LCORL: variants seen among roughly 807,000 people sequenced by gnomAD.
LCORL encodes ligand-dependent nuclear receptor corepressor-like protein.
LCORL carries 41 observed loss-of-function variants against 141.8 expected under a neutral mutation model. The ratio of observed to expected loss-of-function variants is 0.29; its 90% CI spans 0.23 to 0.38. The LOEUF (loss-of-function observed/expected upper bound fraction) is 0.38. Among genes scored for constraint, LCORL ranks in the 10% least tolerant of loss-of-function variants. The probability of loss-of-function intolerance (pLI) is 1.00; values close to 1 mark genes in which losing one functional copy is unlikely to be tolerated. For missense variants in LCORL, 1,759 were observed against 2,035.0 expected (o/e 0.86, Z 2.61); for synonymous variants, 618 against 694.1 (o/e 0.89, Z 1.72).
At chr4:17,849,745 A>C (rs1723399083) in intron 7 of LCORL, among the ~76,000 whole-genome samples, 1 of 152,140 alleles carries the variant, frequency 6.6e-6, no homozygotes, top group Admixed American at 6.5e-5. Context: ...CCATCAAGCT[A>C]CCAATGACTT....
At chr4:17,896,430 T>C (rs1422759230) in intron 5 of LCORL, among the ~76,000 whole-genome samples, 4 of 152,124 alleles carry the variant, frequency 2.6e-5, no homozygotes, top group African/African-American at 9.7e-5. Context: ...ATTACAGGCA[T>C]GTACCACCAC....
At chr4:17,894,317 T>C (rs1445421464) in intron 5 of LCORL, among the ~76,000 whole-genome samples, 2 of 152,232 alleles carry the variant, frequency 1.3e-5, no homozygotes, top group African/African-American at 4.8e-5. Flanking sequence ...AAATTTCTTG[T>C]ATAATAATTC....
intron 2 of LCORL, among the ~76,000 whole-genome samples, chr4:17,963,426 C>T (rs1191438605): frequency 6.6e-6 from 1 of 151,840 alleles, no homozygotes; most frequent in African/African-American, 2.4e-5. Context: ...AAACTTTGCA[C>T]ACCATGAAAG....
chr4:18,018,872 A>C (rs1157821139), intron 1 of LCORL, among the ~76,000 whole-genome samples: 1 of 152,244 alleles, frequency 6.6e-6, no homozygotes, highest in African/African-American at 2.4e-5. Flanking sequence ...ATATATACTG[A>C]ATATACACAT....
intron 1 of LCORL, among the ~76,000 whole-genome samples, chr4:17,998,985 A>AAAAAAAAAAAATATATAT (rs1374815646): frequency 1.7e-5 from 1 of 57,892 alleles, no homozygotes; most frequent in Non-Finnish European, 3.3e-5. Context: ...AAAAAAAAAA[A>AAAAAAAAAAAATATATAT]ATATATATAT....
chr4:18,016,746 A>G lies in LCORL; in HGVS notation c.154+4852T>C, dbSNP rs1451438691. Among the ~76,000 whole-genome samples the G allele has an allele frequency of 3.3e-5, 5 of 152,266 alleles. No individual in the cohort carries two copies. In the East Asian group the frequency reaches 9.6e-4, roughly 29 times the overall value. Reference sequence around the variant, plus strand: ...GCTTTTTAAATGTGGTTATTAGAAGACTTAAATTTACATGTTTTACTTCCA... The same window carrying G: ...GCTTTTTAAATGTGGTTATTAGAAGGCTTAAATTTACATGTTTTACTTCCA... On this transcript the variant is annotated intron_variant, in intron 1 of 7. Transcript: ENST00000635767.
At chr4:17,941,459 A>C (rs75512479) in intron 4 of LCORL, among the ~76,000 whole-genome samples, 1 of 135,290 alleles carries the variant, frequency 7.4e-6, no homozygotes, top group African/African-American at 2.7e-5. Context: ...ACTCTGTCTC[A>C]AAAAAAAAAA....
At position 18,021,558 on chromosome 4, in the gene LCORL, G is replaced by A. The variant is rs1407803869; in HGVS notation, c.154+40C>T. On this transcript the variant is annotated intron_variant, in intron 1 of 7. Transcript: ENST00000635767. This position sits in a 1 kb window ranked among gnomAD's most constrained non-coding sequence, Gnocchi z 5.5. ...AACTCCTCGGGCTGCGACAGCGGTCGCCGCGCGGAGCCCGGGGCCCCGGCC... is the reference window on the plus strand; with the variant it reads ...AACTCCTCGGGCTGCGACAGCGGTCACCGCGCGGAGCCCGGGGCCCCGGCC... 1.3e-6 allele frequency: 2 copies of A among 1,491,452 alleles called. No homozygotes were observed. The highest frequency in any genetic ancestry group is 1.3e-5 in the South Asian group (1 of 79,430). 92.4% of individuals were successfully genotyped at this position (1,491,452 alleles called of 1,614,324 possible). A position where few individuals can be genotyped will look rare whatever the true frequency, so the allele number is the denominator to read the frequency against.
intron 4 of LCORL, among the ~76,000 whole-genome samples, chr4:17,950,426 A>C (rs1415300072): frequency 6.6e-6 from 1 of 152,198 alleles, no homozygotes; most frequent in African/African-American, 2.4e-5. Context: ...GACAAAGGAC[A>C]TATCACGCTT....
intron 2 of LCORL, among the ~76,000 whole-genome samples, chr4:17,967,431 A>T (rs1715121565): frequency 6.6e-6 from 1 of 152,158 alleles, no homozygotes; most frequent in African/African-American, 2.4e-5. Flanking sequence ...ATAATTTATC[A>T]ATTGGGTTCA....
rs911518427 is a variant in LCORL at position 18,021,399 on chromosome 4, G to C, written c.154+199C>G. Among the ~76,000 whole-genome samples the C allele has an allele frequency of 6.6e-6, 1 of 152,124 alleles. No homozygotes were observed. ...GAGCCCAAGAGCTGGGAAGGCGAAG[G>C]AGCGCGGACCGCGCCGGGCCAGCAG... is the stretch of plus-strand genomic sequence containing the variant. On this transcript the variant is annotated intron_variant, in intron 1 of 7. Coordinates refer to ENST00000635767, the Ensembl canonical transcript of LCORL. The surrounding 1 kb of genome is among the most constrained non-coding windows in gnomAD (Gnocchi z 5.5).
intron 7 of LCORL, chr4:17,866,984 G>A: frequency 1.0e-6 from 1 of 985,206 alleles, no homozygotes; most frequent in Non-Finnish European, 1.2e-6. Flanking sequence ...AGAAAAGGGT[G>A]ACCCTTGAAC....
intron 1 of LCORL, among the ~76,000 whole-genome samples, chr4:17,985,593 C>CT (rs1259578338): frequency 6.6e-6 from 1 of 152,034 alleles, no homozygotes. Context: ...GCAACCCTGG[C>CT]TTTTTTCTCA....
chr4:17,850,759 C>G (rs1311048076), intron 7 of LCORL, among the ~76,000 whole-genome samples: 8 of 151,676 alleles, frequency 5.3e-5, no homozygotes, highest in Non-Finnish European at 8.8e-5. Context: ...ACCATTTGAC[C>G]CAGCCATCCC....
At chr4:18,012,392 G>A (rs1047846684) in intron 1 of LCORL, among the ~76,000 whole-genome samples, 4 of 152,094 alleles carry the variant, frequency 2.6e-5, no homozygotes, top group Non-Finnish European at 5.9e-5. Flanking sequence ...GCAATCTAAT[G>A]TCTAATTTTG....
intron 4 of LCORL, among the ~76,000 whole-genome samples, chr4:17,945,385 A>G (rs1738695598): frequency 6.6e-6 from 1 of 151,832 alleles, no homozygotes; most frequent in African/African-American, 2.4e-5. Context: ...GGATTGATTC[A>G]GACACTGACT....
intron 4 of LCORL, among the ~76,000 whole-genome samples, chr4:17,936,408 G>GATAGTGGC (rs199580555): frequency 1.0e-4 from 15 of 150,266 alleles, no homozygotes; most frequent in South Asian, 4.2e-4. Flanking sequence ...TCAAATCAGT[G>GATAGTGGC]ATAGTGGCAT....
intron 5 of LCORL, among the ~76,000 whole-genome samples, chr4:17,890,825 TG>T (rs1042622309): frequency 2.1e-5 from 3 of 144,684 alleles, no homozygotes; most frequent in African/African-American, 8.0e-5. Context: ...GACACTTTAT[TG>T]GGTTTTTAGT....
intron 7 of LCORL, among the ~76,000 whole-genome samples, chr4:17,850,517 A>C (rs1723525001): frequency 1.3e-5 from 2 of 152,260 alleles, no homozygotes; most frequent in South Asian, 4.1e-4. Context: ...GCCAACAGAC[A>C]CATCAAAAAA....
Sources: gnomAD v4.1 joint callset for allele counts (sites outside exome capture counted in the v4.1 genomes callset) on GRCh38, gnomAD v4.1.1 for gene constraint, Gnocchi (gnomAD v3.1) non-coding constraint, MANE v1.5 for transcripts, NCBI Gene and HGNC (gene_info 2026-07-23, HGNC 2026-07-21) for gene names.